TRIM5: variants seen among roughly 807,000 people sequenced by gnomAD.
TRIM5 encodes tripartite motif containing 5.
A neutral mutation model predicts 35.6 loss-of-function variants in TRIM5; 31 were observed. That is an observed-to-expected ratio of 0.87 (90% CI 0.65 to 1.18). TRIM5 has a LOEUF of 1.18. Ranked by LOEUF, TRIM5 falls within the 50% of genes most tolerant of loss-of-function variation. TRIM5 has a pLI of 0.00. For missense variants in TRIM5, 609 were observed against 591.6 expected (o/e 1.03, Z -0.31); for synonymous variants, 243 against 215.6 (o/e 1.13, Z -1.11).
the TRIM5 span, among the ~76,000 whole-genome samples, chr11:5,642,078 G>C: frequency 6.6e-6 from 1 of 152,026 alleles, no homozygotes; most frequent in African/African-American, 2.4e-5. Flanking sequence ...CATTTCTACA[G>C]GTAGCAAAGT....
chr11:5,610,100 C>G, the TRIM5 span: 1 of 1,607,600 alleles, frequency 6.2e-7, no homozygotes, highest in Admixed American at 1.7e-5. Flanking sequence ...GGTGGAGGAA[C>G]CCACAGTCAG....
downstream of TRIM5, among the ~76,000 whole-genome samples, chr11:5,661,181 CCTTGTGACAAGTATAGCA>C (rs1473833251): frequency 6.8e-6 from 1 of 147,608 alleles, no homozygotes; most frequent in African/African-American, 2.5e-5. Flanking sequence ...ATAATTGTTA[CCTTGTGACAAGTATAGCA>C]TCAAGAAGGA....
chr11:5,623,828 T>C, the TRIM5 span, among the ~76,000 whole-genome samples: 1 of 152,344 alleles, frequency 6.6e-6, no homozygotes, highest in African/African-American at 2.4e-5. Context: ...AACAAGTTTA[T>C]AATTGTCCTT....
the TRIM5 span, among the ~76,000 whole-genome samples, chr11:5,654,810 A>G: frequency 6.3e-4 from 96 of 152,210 alleles, no homozygotes; most frequent in Non-Finnish European, 1.2e-3. Flanking sequence ...ATTTGTCAAA[A>G]AGGATTACCT....
At chr11:5,633,846 G>A in the TRIM5 span, 1 of 1,614,110 alleles carries the variant, frequency 6.2e-7, no homozygotes, top group Non-Finnish European at 8.5e-7. Context: ...GAAGGAAGAG[G>A]AGGAAGCTGA....
chr11:5,619,621 G>C, the TRIM5 span: 1 of 150,714 alleles, frequency 6.6e-6, no homozygotes, highest in African/African-American at 2.5e-5. Context: ...ATCAGCCTCC[G>C]GCAATTTGTC....
chr11:5,625,620 C>T, the TRIM5 span, among the ~76,000 whole-genome samples: 15 of 152,262 alleles, frequency 9.9e-5, no homozygotes, highest in African/African-American at 3.1e-4. Flanking sequence ...GCCATCCTCA[C>T]GTATTCTTAG....
the TRIM5 span, among the ~76,000 whole-genome samples, chr11:5,630,127 C>T: frequency 1.3e-5 from 2 of 152,126 alleles, no homozygotes; most frequent in African/African-American, 4.8e-5. Flanking sequence ...ATGAACATAG[C>T]TTCCAGGGCC....
chr11:5,593,442 C>T, the TRIM5 span, among the ~76,000 whole-genome samples: 1 of 152,084 alleles, frequency 6.6e-6, no homozygotes, highest in African/African-American at 2.4e-5. Context: ...GGAAGTCTCT[C>T]TCCTGTGAAT....
chr11:5,659,623 C>T (rs1225651139), downstream of TRIM5, among the ~76,000 whole-genome samples: 1 of 152,182 alleles, frequency 6.6e-6, no homozygotes, highest in Non-Finnish European at 1.5e-5. Flanking sequence ...TAGTAAACTG[C>T]ACTAAGAATA....
Position 5,664,650 on chromosome 11 carries a change from A to C in TRIM5, c.*159T>G. On this transcript the variant is annotated 3_prime_UTR_variant, in exon 8 of 8. Transcript: ENST00000380034. ...AAAATATTGGGGACAATATGGCACA[A>C]GGCAATTATTACATTTTACTGATGA... The C allele has an allele frequency of 7.2e-7, 1 of 1,388,276 alleles. No individual in the cohort carries two copies. Among genetic ancestry groups the C allele is most frequent in the Non-Finnish European group, 9.3e-7 (1 of 1,076,372 alleles). The allele number at this position is 1,388,276 out of a possible 1,614,324, so 86.0% of individuals were successfully genotyped here.
At chr11:5,639,407 G>A in the TRIM5 span, among the ~76,000 whole-genome samples, 11 of 152,004 alleles carry the variant, frequency 7.2e-5, no homozygotes, top group African/African-American at 2.4e-4. Flanking sequence ...GAGGCCAGGC[G>A]CGGTGGCTCA....
At chr11:5,597,998 T>C in the TRIM5 span, among the ~76,000 whole-genome samples, 1 of 152,374 alleles carries the variant, frequency 6.6e-6, no homozygotes, top group East Asian at 1.9e-4. Context: ...GTGCTTGCAG[T>C]GTTGCTAGTT....
chr11:5,603,378 A>T, the TRIM5 span: 1 of 1,614,066 alleles, frequency 6.2e-7, no homozygotes, highest in South Asian at 1.1e-5. Context: ...TGGAGCTCCT[A>T]ACAGAACCCC....
chr11:5,625,949 T>G, the TRIM5 span, among the ~76,000 whole-genome samples: 10 of 152,402 alleles, frequency 6.6e-5, no homozygotes, highest in Middle Eastern at 3.4e-3. Context: ...TTTAATCTTC[T>G]TGTTAAGAAT....
At chr11:5,610,494 T>TTGG in the TRIM5 span, 1 of 1,613,972 alleles carries the variant, frequency 6.2e-7, no homozygotes, top group Non-Finnish European at 8.5e-7. Context: ...CATGAGACAG[T>TTGG]TGGTCCTATT....
rs1026865987 is a variant in TRIM5, at chr11:5,681,470, G to T, written c.-61-1232C>A. On this transcript the variant is annotated intron_variant, in intron 1 of 7. Coordinates refer to ENST00000380034, the MANE Select transcript of TRIM5 (RefSeq NM_033034.3). ...TAACTTCTTCAAATCTATAACTAAGGTCTGAGTTTTAAGACCTTCCTCTGG... is the reference window on the plus strand; with the variant it reads ...TAACTTCTTCAAATCTATAACTAAGTTCTGAGTTTTAAGACCTTCCTCTGG... Among the ~76,000 whole-genome samples, 5 of 152,244 alleles carry T rather than the reference G, an allele frequency of 3.3e-5. No homozygotes were observed. In the East Asian group the frequency reaches 9.6e-4, roughly 29 times the overall value.
At chr11:5,625,213 T>G in the TRIM5 span, among the ~76,000 whole-genome samples, 1 of 152,182 alleles carries the variant, frequency 6.6e-6, no homozygotes, top group African/African-American at 2.4e-5. Flanking sequence ...GAGTGCACAC[T>G]GATAGCAGCC....
chr11:5,671,486 T>A (rs1411652449), intron 4 of TRIM5, among the ~76,000 whole-genome samples: 7 of 151,838 alleles, frequency 4.6e-5, no homozygotes, highest in Non-Finnish European at 1.0e-4. Flanking sequence ...ATAGATATGC[T>A]CGAGAGATAG....
Sources: gnomAD v4.1 joint callset for allele counts (sites outside exome capture counted in the v4.1 genomes callset) on GRCh38, gnomAD v4.1.1 for gene constraint, MANE v1.5 for transcripts, NCBI Gene and HGNC (gene_info 2026-07-23, HGNC 2026-07-21) for gene names.